Variants in ADCY5 observed in about 807,000 individuals in gnomAD.
ADCY5 encodes the protein adenylate cyclase 5, also known as adenylate cyclase type 5.
A neutral mutation model predicts 119.7 loss-of-function variants in ADCY5; 30 were observed. The observed-to-expected ratio is 0.25, with a 90% CI of 0.19 to 0.34. The LOEUF (loss-of-function observed/expected upper bound fraction) is 0.34. Ranked by LOEUF, ADCY5 falls within the 10% of genes least tolerant of loss-of-function variation. ADCY5 has a pLI of 1.00. For missense variants in ADCY5, 1,324 were observed against 1,775.2 expected (o/e 0.75, Z 4.57); for synonymous variants, 753 against 762.2 (o/e 0.99, Z 0.20).
chr3:123,330,392 T>C (rs1328471231), intron 5 of ADCY5, among the ~76,000 whole-genome samples: 2 of 152,264 alleles, frequency 1.3e-5, no homozygotes, highest in East Asian at 1.9e-4. Flanking sequence ...CTTTTTGCTA[T>C]GGCTCACAGG....
intron 3 of ADCY5, among the ~76,000 whole-genome samples, chr3:123,343,746 A>C (rs2108460728): frequency 6.6e-6 from 1 of 152,180 alleles, no homozygotes; most frequent in Non-Finnish European, 1.5e-5. Context: ...TGGCGCTGTC[A>C]GCTGCAGCAA....
chr3:123,423,887 G>C (rs896851364), intron 1 of ADCY5, among the ~76,000 whole-genome samples: 4 of 152,348 alleles, frequency 2.6e-5, no homozygotes, highest in South Asian at 2.1e-4. Flanking sequence ...GATGTCCTTG[G>C]AGTGGCAGGG....
rs75035591 is a variant in ADCY5 at position 123,348,752 on chromosome 3, G to A, written c.1285-849C>T. Among the ~76,000 whole-genome samples, 27 of 152,240 alleles carry A rather than the reference G, an allele frequency of 1.8e-4. No individual in the cohort carries two copies. In the East Asian group the frequency reaches 2.9e-3, roughly 16 times the overall value. ...TGCTCTCTTTCTGAGCTCCTCTCCC[G>A]GGCCTGCCCTTCTCCAAGATGCCCA... On this transcript the variant is annotated intron_variant, in intron 2 of 20. Transcript: ENST00000462833.
intron 1 of ADCY5, among the ~76,000 whole-genome samples, chr3:123,426,180 C>T (rs1290181944): frequency 1.3e-5 from 2 of 152,118 alleles, no homozygotes; most frequent in Non-Finnish European, 2.9e-5. Context: ...AAGGGCAGGG[C>T]GCTTGCCAAG....
At chr3:123,297,846 T>TA (rs1054389075) in intron 15 of ADCY5, among the ~76,000 whole-genome samples, 1 of 152,156 alleles carries the variant, frequency 6.6e-6, no homozygotes, top group South Asian at 2.1e-4. Flanking sequence ...ATAATTAGTG[T>TA]AAAAAAAGGT....
At chr3:123,411,242 G>A (rs1945038547) in intron 1 of ADCY5, among the ~76,000 whole-genome samples, 1 of 152,210 alleles carries the variant, frequency 6.6e-6, no homozygotes, top group Non-Finnish European at 1.5e-5. Context: ...TTCGAGGAGA[G>A]CCTGCCATCC....
Position 123,318,163 on chromosome 3 carries a change from G to A in ADCY5, c.2257-46C>T, listed in dbSNP as rs774261930. The stretch of plus-strand genomic sequence containing the variant: ...TGAGAGGGGCCAAGGTACCTGGCCC[G>A]GTCTGCTCCAGCCCTGTCAATCCCA... On this transcript the variant is annotated intron_variant, in intron 10 of 20. Transcript: ENST00000462833. 67 of 1,483,856 alleles carry A rather than the reference G, an allele frequency of 4.5e-5. No homozygotes were observed. In the Admixed American group the frequency reaches 5.2e-4, roughly 11 times the overall value. 91.9% of individuals were successfully genotyped at this position (1,483,856 alleles called of 1,614,324 possible).
At chr3:123,339,975 T>C (rs1009296883) in intron 3 of ADCY5, among the ~76,000 whole-genome samples, 1 of 152,172 alleles carries the variant, frequency 6.6e-6, no homozygotes, top group African/African-American at 2.4e-5. Context: ...ACAAAGAACA[T>C]ATATTCTTCA....
chr3:123,317,898 C>T, intron 11 of ADCY5, 122 bp downstream of exon 11: 1 of 875,466 alleles, frequency 1.1e-6, no homozygotes, highest in African/African-American at 1.7e-5. Context: ...AGAAACTTCT[C>T]TCCGTGCCTG....
intron 1 of ADCY5, among the ~76,000 whole-genome samples, chr3:123,396,467 G>C (rs1290830008): frequency 7.9e-6 from 1 of 126,106 alleles, no homozygotes; most frequent in Non-Finnish European, 1.7e-5. Context: ...AGGAGACAAA[G>C]AAAGAAAGAA....
intron 15 of ADCY5, 131 bp from the exon 16 acceptor site, chr3:123,297,513 A>C (rs1576535775): frequency 1.1e-5 from 11 of 1,010,826 alleles, no homozygotes; most frequent in East Asian, 4.8e-5. Flanking sequence ...AGCCCCATTC[A>C]CCCTCCATAT....
intron 1 of ADCY5, among the ~76,000 whole-genome samples, chr3:123,438,368 T>C (rs1466681439): frequency 1.3e-5 from 2 of 152,196 alleles, no homozygotes; most frequent in African/African-American, 2.4e-5. Context: ...GTGTGTAAAA[T>C]AGTCCCCCTC....
At chr3:123,376,616 T>C (rs1244567263) in intron 1 of ADCY5, among the ~76,000 whole-genome samples, 1 of 152,110 alleles carries the variant, frequency 6.6e-6, no homozygotes, top group Non-Finnish European at 1.5e-5. Context: ...CCTCCTACTA[T>C]GTGTGTGCCC....
chr3:123,285,164 G>A (rs1938655484), intron 20 of ADCY5, among the ~76,000 whole-genome samples: 1 of 152,230 alleles, frequency 6.6e-6, no homozygotes, highest in Admixed American at 6.5e-5. Flanking sequence ...TGACAGATCA[G>A]AACGATTTTT....
intron 12 of ADCY5, among the ~76,000 whole-genome samples, chr3:123,309,803 C>A (rs971062265): frequency 6.6e-6 from 1 of 152,106 alleles, no homozygotes; most frequent in Non-Finnish European, 1.5e-5. Flanking sequence ...AAAATCTTCA[C>A]AGGATGGAAG....
chr3:123,310,919 A>T (rs1294353189), intron 12 of ADCY5, among the ~76,000 whole-genome samples: 1 of 152,228 alleles, frequency 6.6e-6, no homozygotes, highest in Non-Finnish European at 1.5e-5. Flanking sequence ...GGCCCGAGAT[A>T]AAAAGGCCAC....
At chr3:123,364,975 C>A (rs1478730713) in intron 1 of ADCY5, among the ~76,000 whole-genome samples, 3 of 150,628 alleles carry the variant, frequency 2.0e-5, no homozygotes, top group Non-Finnish European at 4.4e-5. Flanking sequence ...GCTCTGTTGC[C>A]CAGGCTGGAA....
chr3:123,431,447 GA>G (rs11307047), intron 1 of ADCY5, among the ~76,000 whole-genome samples: 148,996 of 150,630 alleles, frequency 0.99, 73,709 homozygotes, highest in Middle Eastern at 1. Context: ...TCTCTCAAAA[GA>G]AAAAAAAAAA....
chr3:123,345,044 G>A (rs544372805), intron 3 of ADCY5, among the ~76,000 whole-genome samples: 22 of 152,372 alleles, frequency 1.4e-4, no homozygotes, highest in South Asian at 2.1e-4. Context: ...TGACATGCAG[G>A]CCACTCTGTG....
Sources: allele counts gnomAD v4.1 joint callset (sites outside exome capture counted in the v4.1 genomes callset), GRCh38; gene constraint gnomAD v4.1.1; transcripts MANE v1.5; gene names NCBI Gene and HGNC (gene_info 2026-07-23, HGNC 2026-07-21).